The following CNBD1 variants were observed in gnomAD, a reference collection of about 807,000 sequenced individuals.
CNBD1 encodes cyclic nucleotide-binding domain-containing protein 1.
CNBD1 carries 71 observed loss-of-function variants against 54.4 expected under a neutral mutation model. The ratio of observed to expected loss-of-function variants is 1.30; its 90% CI spans 1.08 to 1.59. The LOEUF is 1.59. Ranked by LOEUF, CNBD1 falls within the 40% of genes most tolerant of loss-of-function variation. The pLI, the probability that CNBD1 is intolerant of heterozygous loss-of-function variation, is 0.00. For synonymous variants in CNBD1, 182 were observed against 170.7 expected (o/e 1.07, Z -0.51); for missense variants, 659 against 518.0 (o/e 1.27, Z -2.64).
At position 87,411,566 on chromosome 8, in the gene CNBD1, T is replaced by A. The variant is rs1807747752; in HGVS notation, c.214-16980T>A. Among the ~76,000 whole-genome samples the A allele has an allele frequency of 3.3e-5, 5 of 150,854 alleles. No individual in the cohort carries two copies. The South Asian group carries it at 1.0e-3, about 31-fold the overall frequency. On this transcript the variant is annotated intron_variant, in intron 2 of 7. Transcript: ENST00000521593. ...TAAGTACAGTTAATGATGTCACTTA[T>A]TAAAATTAAATTTATTGAAGTTTTA... is the stretch of plus-strand genomic sequence containing the variant.
At chr8:87,413,175 G>A (rs1372743228) in intron 2 of CNBD1, among the ~76,000 whole-genome samples, 4 of 152,006 alleles carry the variant, frequency 2.6e-5, no homozygotes, top group East Asian at 1.9e-4. Flanking sequence ...TGTGGATGAG[G>A]CTATGACACA....
At chr8:87,071,243 AC>A (rs1450650182) in intron 4 of CNBD1, among the ~76,000 whole-genome samples, 1 of 152,082 alleles carries the variant, frequency 6.6e-6, no homozygotes, top group Non-Finnish European at 1.5e-5. Context: ...GCAATTTTTC[AC>A]CACTTTCTAA....
chr8:87,359,066 C>T (rs1283979088), intron 10 of CNBD1, among the ~76,000 whole-genome samples: 1 of 152,192 alleles, frequency 6.6e-6, no homozygotes, highest in African/African-American at 2.4e-5. Context: ...GCTATCTGGG[C>T]ATCCCTTAGC....
intron 8 of CNBD1, among the ~76,000 whole-genome samples, chr8:87,331,435 A>T (rs1359280693): frequency 6.6e-6 from 1 of 152,140 alleles, no homozygotes; most frequent in Non-Finnish European, 1.5e-5. Flanking sequence ...GTGTATACAT[A>T]CCGCATTTTC....
At chr8:86,959,865 G>A (rs1331150933) in intron 4 of CNBD1, among the ~76,000 whole-genome samples, 1 of 152,150 alleles carries the variant, frequency 6.6e-6, no homozygotes, top group African/African-American at 2.4e-5. Context: ...ACTCGTCAAA[G>A]TCATTCTCCA....
chr8:87,140,015 T>G (rs1812340232), intron 4 of CNBD1, among the ~76,000 whole-genome samples: 1 of 152,170 alleles, frequency 6.6e-6, no homozygotes. Context: ...ACTCATTATA[T>G]TAGTTTCACC....
chr8:86,909,421 T>C (rs1187660197), intron 3 of CNBD1, among the ~76,000 whole-genome samples: 1 of 152,232 alleles, frequency 6.6e-6, no homozygotes, highest in Non-Finnish European at 1.5e-5. Flanking sequence ...GCTAGATGGT[T>C]TCCTGAGAAT....
chr8:87,396,355 T>G (rs1185437113), intron 2 of CNBD1, among the ~76,000 whole-genome samples: 1 of 151,918 alleles, frequency 6.6e-6, no homozygotes, highest in Admixed American at 6.6e-5. Flanking sequence ...GAATTTCCCT[T>G]AAATTATTCT....
chr8:86,918,737 C>T (rs1344070648), intron 3 of CNBD1, among the ~76,000 whole-genome samples: 1 of 151,480 alleles, frequency 6.6e-6, no homozygotes, highest in African/African-American at 2.4e-5. Context: ...ATAAATTACC[C>T]AGTCTTGGGT....
chr8:86,988,863 T>C (rs1176796817), intron 4 of CNBD1, among the ~76,000 whole-genome samples: 1 of 152,208 alleles, frequency 6.6e-6, no homozygotes, highest in African/African-American at 2.4e-5. Flanking sequence ...CATCCTTTTT[T>C]ATGGCTGAAT....
At chr8:87,122,554 G>A (rs566179672) in intron 4 of CNBD1, among the ~76,000 whole-genome samples, 21 of 151,668 alleles carry the variant, frequency 1.4e-4, no homozygotes, top group Admixed American at 5.3e-4. Context: ...CATCACTTTC[G>A]TCTATTTGTG....
At chr8:87,020,850 T>C (rs1003071226) in intron 4 of CNBD1, among the ~76,000 whole-genome samples, 1 of 152,180 alleles carries the variant, frequency 6.6e-6, no homozygotes, top group African/African-American at 2.4e-5. Flanking sequence ...TTAAGTCCAA[T>C]GAAAAACCAT....
At chr8:87,035,734 G>A (rs7015690) in intron 4 of CNBD1, among the ~76,000 whole-genome samples, 2 of 152,108 alleles carry the variant, frequency 1.3e-5, no homozygotes, top group Non-Finnish European at 2.9e-5. Flanking sequence ...TTGCTTCTCT[G>A]TCATATAAAT....
intron 4 of CNBD1, among the ~76,000 whole-genome samples, chr8:87,165,917 A>G (rs1488455530): frequency 6.6e-6 from 1 of 151,954 alleles, no homozygotes; most frequent in African/African-American, 2.4e-5. Context: ...ATATCTCTCT[A>G]GAAGTAAAAT....
intron 2 of CNBD1, among the ~76,000 whole-genome samples, chr8:87,423,567 C>T (rs1807984846): frequency 6.7e-6 from 1 of 149,986 alleles, no homozygotes; most frequent in Admixed American, 6.6e-5. Flanking sequence ...TGTTTATATG[C>T]TGGATTACAT....
At chr8:86,965,608 A>G (rs1169259683) in intron 4 of CNBD1, among the ~76,000 whole-genome samples, 1 of 151,976 alleles carries the variant, frequency 6.6e-6, no homozygotes, top group Non-Finnish European at 1.5e-5. Context: ...AAGCAAATTC[A>G]CTTTTACTCA....
intron 2 of CNBD1, 43 bp downstream of exon 2, chr8:86,887,654 A>G (rs1282411681): frequency 1.5e-6 from 2 of 1,369,804 alleles, no homozygotes; most frequent in African/African-American, 2.9e-5. Context: ...TCAAATGAAT[A>G]TGAGTATTTT....
intron 6 of CNBD1, among the ~76,000 whole-genome samples, chr8:87,256,954 T>G (rs1177007276): frequency 6.6e-6 from 1 of 152,078 alleles, no homozygotes; most frequent in Non-Finnish European, 1.5e-5. Flanking sequence ...GGGGTTGTCC[T>G]CAGTGAACCA....
At chr8:87,049,647 C>A (rs777121605) in intron 4 of CNBD1, among the ~76,000 whole-genome samples, 6 of 152,170 alleles carry the variant, frequency 3.9e-5, no homozygotes, top group Non-Finnish European at 7.3e-5. Flanking sequence ...TATCTGTTCA[C>A]AATCATGTTC....
Sources: allele counts gnomAD v4.1 joint callset (sites outside exome capture counted in the v4.1 genomes callset), GRCh38; gene constraint gnomAD v4.1.1; transcripts MANE v1.5; gene names NCBI Gene and HGNC (gene_info 2026-07-23, HGNC 2026-07-21).